Variants in FANCC observed in about 807,000 individuals in gnomAD.
FANCC encodes the protein Fanconi anemia group C protein.
Under a neutral mutation model 71.3 loss-of-function variants are expected in FANCC, and 55 were observed. That is an observed-to-expected ratio of 0.77 (90% CI 0.62 to 0.97). The LOEUF is 0.97. Ranked by LOEUF, FANCC falls within the 50% of genes least tolerant of loss-of-function variation. The pLI is 0.00. For missense variants in FANCC, 678 were observed against 670.9 expected, an observed-to-expected ratio of 1.01 and a Z score of -0.12; for synonymous variants, 275 against 244.9, an observed-to-expected ratio of 1.12 and a Z score of -1.15.
intron 4 of FANCC, among the ~76,000 whole-genome samples, chr9:95,183,946 C>T (rs780869629): frequency 1.1e-4 from 17 of 152,170 alleles, no homozygotes; most frequent in Non-Finnish European, 2.2e-4. Context: ...TTTTGGCCCA[C>T]CAAAATGTAT....
At chr9:95,159,481 C>T (rs542285167) in intron 6 of FANCC, among the ~76,000 whole-genome samples, 7 of 152,064 alleles carry the variant, frequency 4.6e-5, no homozygotes, top group Non-Finnish European at 8.8e-5. Context: ...TGAATAGTGC[C>T]GCAATAAACA....
chr9:95,312,953 A>G (rs1452437397), intron 1 of FANCC, among the ~76,000 whole-genome samples: 1 of 152,202 alleles, frequency 6.6e-6, no homozygotes, highest in African/African-American at 2.4e-5. Flanking sequence ...CTAGGGCGCC[A>G]GGAAAAGTGT....
chr9:95,228,170 T>C (rs1007070496), intron 4 of FANCC, among the ~76,000 whole-genome samples: 5 of 152,096 alleles, frequency 3.3e-5, no homozygotes, highest in African/African-American at 1.2e-4. Context: ...GTGGAATAAA[T>C]GAGGGATGGA....
intron 4 of FANCC, among the ~76,000 whole-genome samples, chr9:95,238,456 A>G (rs907146454): frequency 6.6e-6 from 1 of 152,056 alleles, no homozygotes; most frequent in Non-Finnish European, 1.5e-5. Flanking sequence ...TTATCACTAC[A>G]ATAGCTTCCA....
chr9:95,103,136 C>T (rs972636739), intron 14 of FANCC, among the ~76,000 whole-genome samples: 10 of 152,114 alleles, frequency 6.6e-5, no homozygotes, highest in African/African-American at 2.2e-4. Context: ...AGACCCTGAG[C>T]GGGAGGACTG....
chr9:95,316,453 TGA>T (rs1187033961), intron 1 of FANCC, among the ~76,000 whole-genome samples: 1 of 152,248 alleles, frequency 6.6e-6, no homozygotes, highest in Non-Finnish European at 1.5e-5. Flanking sequence ...ACGATCTGTC[TGA>T]GGGCATATCA....
At chr9:95,204,942 C>T (rs1234771719) in intron 4 of FANCC, among the ~76,000 whole-genome samples, 1 of 152,120 alleles carries the variant, frequency 6.6e-6, no homozygotes, top group African/African-American at 2.4e-5. Flanking sequence ...AGGGGATTAG[C>T]CAGCAATTTT....
chr9:95,204,673 T>C (rs1402690642), intron 4 of FANCC, among the ~76,000 whole-genome samples: 1 of 152,204 alleles, frequency 6.6e-6, no homozygotes, highest in Non-Finnish European at 1.5e-5. Context: ...CTCCAAATGT[T>C]GACTTCGAAA....
intron 4 of FANCC, among the ~76,000 whole-genome samples, chr9:95,222,016 G>A (rs575850899): frequency 1.3e-5 from 2 of 152,094 alleles, no homozygotes; most frequent in African/African-American, 4.8e-5. Context: ...GAAAATGTAT[G>A]ACTATATAAA....
chr9:95,195,196 C>CA (rs34771312), intron 4 of FANCC, among the ~76,000 whole-genome samples: 8,854 of 41,754 alleles, frequency 0.21, 1,212 homozygotes, highest in East Asian at 0.33. Context: ...GACTCCGTCT[C>CA]AAAAAAAAAA....
At chr9:95,313,206 G>GT (rs1405384524) in intron 1 of FANCC, among the ~76,000 whole-genome samples, 1 of 152,198 alleles carries the variant, frequency 6.6e-6, no homozygotes, top group African/African-American at 2.4e-5. Flanking sequence ...CAGCGTTGGG[G>GT]AAGCGGCACA....
chr9:95,301,945 G>A (rs1202611841), intron 1 of FANCC, among the ~76,000 whole-genome samples: 4 of 150,424 alleles, frequency 2.7e-5, no homozygotes, highest in South Asian at 4.2e-4. Flanking sequence ...AGCCAGGCGC[G>A]GTGGCGGGCG....
At chr9:95,250,280 A>T (rs1831252419) in intron 1 of FANCC, among the ~76,000 whole-genome samples, 1 of 152,232 alleles carries the variant, frequency 6.6e-6, no homozygotes, top group Admixed American at 6.5e-5. Context: ...GGCAGGCAGG[A>T]TATTCAGCAA....
intron 1 of FANCC, chr9:95,292,747 G>A: frequency 7.3e-7 from 1 of 1,377,866 alleles, no homozygotes; most frequent in Non-Finnish European, 1.0e-6. Flanking sequence ...ATCGAAGGCT[G>A]CCCCAGAGGC....
At chr9:95,190,086 T>C (rs915632402) in intron 4 of FANCC, among the ~76,000 whole-genome samples, 1 of 152,124 alleles carries the variant, frequency 6.6e-6, no homozygotes, top group Non-Finnish European at 1.5e-5. Flanking sequence ...TCATATGTAG[T>C]TGAGAAAATA....
chr9:95,161,980 T>G (rs965967124), intron 6 of FANCC, among the ~76,000 whole-genome samples: 4 of 152,130 alleles, frequency 2.6e-5, no homozygotes, highest in Admixed American at 1.3e-4. Context: ...TAGCCAGGAT[T>G]ACAGGCACCC....
At chr9:95,189,829 A>G (rs1453676640) in intron 4 of FANCC, among the ~76,000 whole-genome samples, 1 of 152,130 alleles carries the variant, frequency 6.6e-6, no homozygotes, top group African/African-American at 2.4e-5. Flanking sequence ...TTGTGAATCC[A>G]TGCTGCAGCT....
chr9:95,246,087 GGTCAAAGATGTCT>G (rs1413113152), intron 3 of FANCC, among the ~76,000 whole-genome samples: 1 of 152,132 alleles, frequency 6.6e-6, no homozygotes, highest in Non-Finnish European at 1.5e-5. Flanking sequence ...ATGTATTTCT[GGTCAAAGATGTCT>G]GAGAAACACT....
intron 1 of FANCC, among the ~76,000 whole-genome samples, chr9:95,288,379 A>T (rs968004311): frequency 2.0e-5 from 3 of 152,106 alleles, no homozygotes; most frequent in African/African-American, 7.2e-5. Context: ...ATATATGTCA[A>T]GGGATTTTCT....
Sources: allele counts gnomAD v4.1 joint callset (sites outside exome capture counted in the v4.1 genomes callset), GRCh38; gene constraint gnomAD v4.1.1; transcripts MANE v1.5; gene names NCBI Gene and HGNC (gene_info 2026-07-23, HGNC 2026-07-21).